Variants in WDFY4 observed in about 807,000 individuals in gnomAD.
WDFY4 encodes the protein WDFY family member 4.
Under a neutral mutation model 351.9 loss-of-function variants are expected in WDFY4, and 169 were observed. The observed-to-expected ratio is 0.48, with a 90% CI of 0.42 to 0.55. WDFY4 has a LOEUF of 0.55. Ranked by LOEUF, WDFY4 falls within the 20% of genes least tolerant of loss-of-function variation. The pLI is 0.00. For synonymous variants in WDFY4, 1,622 were observed against 1,574.6 expected, an observed-to-expected ratio of 1.03 and a Z score of -0.71; for missense variants, 3,803 against 3,935.6, an observed-to-expected ratio of 0.97 and a Z score of 0.90.
At chr10:48,714,703 G>A (rs538058220) in intron 2 of WDFY4, among the ~76,000 whole-genome samples, 1 of 152,328 alleles carries the variant, frequency 6.6e-6, no homozygotes, top group East Asian at 1.9e-4. Context: ...AGCCAATGAG[G>A]TTTATTCATA....
intron 43 of WDFY4, among the ~76,000 whole-genome samples, chr10:48,881,474 G>C (rs533640958): frequency 5.0e-4 from 76 of 152,348 alleles, no homozygotes; most frequent in African/African-American, 1.8e-3. Flanking sequence ...TGACCAGCTG[G>C]AATGGGGTTC....
chr10:48,788,485 C>T (rs760292592), intron 20 of WDFY4, 45 bp from the exon 21 acceptor site: 152 of 1,535,272 alleles, frequency 9.9e-5, no homozygotes, highest in Admixed American at 2.2e-4. Context: ...TAATTTCCTG[C>T]TCTGTAAAGT....
At chr10:48,969,284 ACCTCAG>A in intron 56 of WDFY4, 36 bp downstream of exon 56, 1 of 1,544,730 alleles carries the variant, frequency 6.5e-7, no homozygotes, top group South Asian at 1.2e-5. Flanking sequence ...CAGCCTCAGG[ACCTCAG>A]CCTTCCTCCA....
At chr10:48,697,322 A>C (rs1465869735) in intron 1 of WDFY4, among the ~76,000 whole-genome samples, 1 of 152,218 alleles carries the variant, frequency 6.6e-6, no homozygotes, top group East Asian at 1.9e-4. Context: ...ATCTCTGGGC[A>C]TCACAGAGCT....
intron 39 of WDFY4, among the ~76,000 whole-genome samples, chr10:48,860,137 G>A (rs2069284358): frequency 6.6e-6 from 1 of 152,102 alleles, no homozygotes; most frequent in Non-Finnish European, 1.5e-5. Context: ...CAAAGTACAG[G>A]TTTTTGTTTC....
intron 39 of WDFY4, among the ~76,000 whole-genome samples, chr10:48,861,923 C>T (rs924670226): frequency 6.6e-5 from 10 of 152,130 alleles, no homozygotes; most frequent in African/African-American, 2.2e-4. Flanking sequence ...TAGCTACTTG[C>T]TATTGTTCTA....
At chr10:48,924,317 C>T (rs750551228) in intron 47 of WDFY4, among the ~76,000 whole-genome samples, 2 of 152,224 alleles carry the variant, frequency 1.3e-5, no homozygotes, top group Non-Finnish European at 2.9e-5. Flanking sequence ...TGCCCAGTAC[C>T]ACTAGAAGCA....
At chr10:48,761,242 A>C (rs1467024445) in intron 13 of WDFY4, among the ~76,000 whole-genome samples, 1 of 152,148 alleles carries the variant, frequency 6.6e-6, no homozygotes, top group Non-Finnish European at 1.5e-5. Context: ...GATGATGGGG[A>C]TAATGGGGCA....
rs369021884 is a variant in WDFY4 at position 48,775,826 on chromosome 10, C to T, written c.2863+20C>T. 365 of 1,541,926 alleles carry T rather than the reference C, an allele frequency of 2.4e-4. No homozygotes were observed. In the African/African-American group the frequency reaches 3.5e-3, roughly 15 times the overall value. On this transcript the variant is annotated intron_variant, in intron 15 of 61. Coordinates refer to ENST00000325239, the MANE Select transcript of WDFY4 (RefSeq NM_001394531.1). ...GCTCAGGTGAGGACAGTGGCAAGAACGGGGCAGGTTAATGGGAAGTAAAAG... is the reference window on the plus strand; with the variant it reads ...GCTCAGGTGAGGACAGTGGCAAGAATGGGGCAGGTTAATGGGAAGTAAAAG...
At chr10:48,695,084 G>A (rs909202613) in intron 1 of WDFY4, among the ~76,000 whole-genome samples, 2 of 152,232 alleles carry the variant, frequency 1.3e-5, no homozygotes, top group African/African-American at 4.8e-5. Flanking sequence ...TAGCCCCAGT[G>A]GCTTTGCCTG....
At chr10:48,877,290 T>C in intron 43 of WDFY4, 91 bp downstream of exon 43, 1 of 1,195,200 alleles carries the variant, frequency 8.4e-7, no homozygotes, top group Non-Finnish European at 1.2e-6. Flanking sequence ...GCCACTTACA[T>C]GGGGAATGAG....
At chr10:48,961,580 C>T (rs1015067215) in intron 53 of WDFY4, among the ~76,000 whole-genome samples, 1 of 152,000 alleles carries the variant, frequency 6.6e-6, no homozygotes, top group Admixed American at 6.6e-5. Flanking sequence ...TAAGGTGTGG[C>T]CATGGGAATG....
chr10:48,946,045 G>A lies in WDFY4; in HGVS notation c.7755G>A (p.Leu2585=), dbSNP rs1589970192. 3.9e-6 allele frequency: 6 copies of A among 1,543,362 alleles called. No homozygotes were observed. The Admixed American group carries it at 1.2e-4, about 32-fold the overall frequency. ...GCTGCACATCTGCCTTCTAGACATT[G>A]AACTTGGCAAATCCGAAGATTTTCC... ...WVLADYTSET[L]NLANPKIFRD... Residue 2585 remains leucine, a synonymous_variant, in exon 50 of 62, where the codon TTG becomes TTA. Transcript: ENST00000325239.
rs114564058 is a variant in WDFY4, at chr10:48,820,153, G to A, written c.5506-81G>A. ...ATGTCACTGGGCATGACAATAATCCGCCCATGTACATGGCACAGGTTGGTG... is the reference window on the plus strand; with the variant it reads ...ATGTCACTGGGCATGACAATAATCCACCCATGTACATGGCACAGGTTGGTG... On this transcript the variant is annotated intron_variant, in intron 32 of 61. Coordinates refer to ENST00000325239, the MANE Select transcript of WDFY4 (RefSeq NM_001394531.1). 7 of 1,441,828 alleles carry A rather than the reference G, an allele frequency of 4.9e-6. No homozygotes were observed. The Admixed American group carries it at 6.0e-5, about 12-fold the overall frequency. 89.3% of individuals were successfully genotyped at this position (1,441,828 alleles called of 1,614,324 possible). A position where few individuals can be genotyped will look rare whatever the true frequency, so the allele number is the denominator to read the frequency against.
At chr10:48,766,013 A>T (rs529593781) in intron 13 of WDFY4, among the ~76,000 whole-genome samples, 1 of 152,358 alleles carries the variant, frequency 6.6e-6, no homozygotes, top group South Asian at 2.1e-4. Flanking sequence ...AACTAATTGT[A>T]TGAGTTTCAA....
At chr10:48,778,577 C>A (rs749897248) in intron 17 of WDFY4, 34 bp from the exon 18 acceptor site, 9 of 1,543,388 alleles carry the variant, frequency 5.8e-6, no homozygotes, top group Non-Finnish European at 7.9e-6. Context: ...CAGGGCAGAA[C>A]AAAGCCTGAG....
At chr10:48,782,420 C>T (rs1446171518) in intron 19 of WDFY4, among the ~76,000 whole-genome samples, 2 of 152,196 alleles carry the variant, frequency 1.3e-5, no homozygotes, top group African/African-American at 2.4e-5. Flanking sequence ...AATGTGCAGC[C>T]ACAGGAGGAA....
intron 12 of WDFY4, among the ~76,000 whole-genome samples, chr10:48,754,548 T>C (rs2065276319): frequency 6.6e-6 from 1 of 151,704 alleles, no homozygotes; most frequent in South Asian, 2.1e-4. Flanking sequence ...ATAGCACTTA[T>C]CATTTCTTAT....
intron 54 of WDFY4, 129 bp downstream of exon 54, chr10:48,964,183 C>A: frequency 9.6e-7 from 1 of 1,036,390 alleles, no homozygotes; most frequent in Non-Finnish European, 1.4e-6. Flanking sequence ...TCTTCCTGTG[C>A]TTTCAATATC....
Sources: allele counts gnomAD v4.1 joint callset (sites outside exome capture counted in the v4.1 genomes callset), GRCh38; gene constraint gnomAD v4.1.1; transcripts MANE v1.5; gene names NCBI Gene and HGNC (gene_info 2026-07-23, HGNC 2026-07-21).